KCNN2: variants seen among roughly 807,000 people sequenced by gnomAD.
KCNN2 encodes potassium calcium-activated channel subfamily N member 2, also known as small conductance calcium-activated potassium channel protein 2.
In KCNN2, 24 loss-of-function variants were observed where a neutral mutation model predicts 55.5. The observed-to-expected ratio is 0.43, with a 90% CI of 0.31 to 0.61. The LOEUF is 0.61. KCNN2 is among the 20% of genes least tolerant of loss of function. KCNN2 has a pLI of 0.08. For synonymous variants in KCNN2, 431 were observed against 336.1 expected, an observed-to-expected ratio of 1.28 and a Z score of -3.09; for missense variants, 754 against 853.6, an observed-to-expected ratio of 0.88 and a Z score of 1.45.
intron 5 of KCNN2, among the ~76,000 whole-genome samples, chr5:114,483,713 CTGTGTG>C (rs3070952): frequency 0.033 from 4,918 of 148,324 alleles, 222 homozygotes; most frequent in African/African-American, 0.12. Context: ...TATTTTTCAA[CTGTGTG>C]TGTGTGTGTG....
intron 3 of KCNN2, among the ~76,000 whole-genome samples, chr5:114,415,272 T>C (rs1425953920): frequency 1.3e-5 from 2 of 152,216 alleles, no homozygotes; most frequent in East Asian, 3.9e-4. Flanking sequence ...ATAGGGTTGC[T>C]TTGAACTTGT....
In KCNN2 at chr5:114,363,077, A is replaced by G. The variant is rs776706164; in HGVS notation, c.938A>G (p.His313Arg). The G allele has an allele frequency of 3.5e-5, 57 of 1,610,552 alleles. No individual in the cohort carries two copies. The African/African-American group carries it at 3.6e-4, about 10-fold the overall frequency. Reference protein sequence around the residue: ...GGGGGGGGSGHGSSSGTKSSK... With the variant: ...GGGGGGGGSGRGSSSGTKSSK... ...GGCGGCGGCGGTGGCGGGAGCGGGC[A>G]CGGCAGCAGCAGTGGCACCAAGTCC... Residue 313 changes from histidine (H) to arginine (R), a missense_variant, in exon 1 of 8, where the codon CAC becomes CGC. Transcript: ENST00000673685.
intron 2 of KCNN2, among the ~76,000 whole-genome samples, chr5:114,301,204 T>C (rs974928812): frequency 6.6e-6 from 1 of 152,190 alleles, no homozygotes; most frequent in East Asian, 1.9e-4. Context: ...GCAGATTTAC[T>C]GTTTATTAGC....
At chr5:114,105,905 C>A (rs1444810685) in intron 1 of KCNN2, among the ~76,000 whole-genome samples, 1 of 151,830 alleles carries the variant, frequency 6.6e-6, no homozygotes, top group Non-Finnish European at 1.5e-5. Context: ...TATACTTATT[C>A]TGAGATATTT....
intron 2 of KCNN2, among the ~76,000 whole-genome samples, chr5:114,397,060 C>G (rs1281756492): frequency 3.3e-5 from 5 of 152,168 alleles, no homozygotes; most frequent in African/African-American, 1.2e-4. Flanking sequence ...TGATCTCATT[C>G]TTTTTATGGC....
At chr5:114,266,584 A>G (rs1295493708) in intron 2 of KCNN2, among the ~76,000 whole-genome samples, 1 of 152,124 alleles carries the variant, frequency 6.6e-6, no homozygotes, top group Non-Finnish European at 1.5e-5. Context: ...CCCTGCTCCT[A>G]GCTACTACTT....
intron 3 of KCNN2, among the ~76,000 whole-genome samples, chr5:114,450,722 C>A (rs369510081): frequency 2.0e-5 from 3 of 152,174 alleles, no homozygotes; most frequent in Non-Finnish European, 2.9e-5. Context: ...AGGAGTAATA[C>A]CGCCCCCAGG....
At chr5:114,101,778 G>A (rs1751378485) in intron 1 of KCNN2, among the ~76,000 whole-genome samples, 1 of 152,018 alleles carries the variant, frequency 6.6e-6, no homozygotes, top group African/African-American at 2.4e-5. Flanking sequence ...CCTTTTTATG[G>A]CTGCGTAGTT....
rs181424042 is a variant in KCNN2 at position 114,295,043 on chromosome 5, C to T, written c.-184-65902C>T. Among the ~76,000 whole-genome samples, 229 of 152,230 alleles carry T rather than the reference C, an allele frequency of 1.5e-3. 3 individuals are homozygous for T. Among genetic ancestry groups the T allele is most frequent in the Admixed American group, 0.014 (214 of 15,288 alleles). On this transcript the variant is annotated intron_variant, in intron 2 of 10. Transcript: ENST00000512097. Reference sequence around the variant, plus strand: ...TTTGCTTGGTAGATCTTCCTCCATCCCTATGATTGTTCCTTTGGAAGTTTT... The same window carrying T: ...TTTGCTTGGTAGATCTTCCTCCATCTCTATGATTGTTCCTTTGGAAGTTTT...
intron 2 of KCNN2, among the ~76,000 whole-genome samples, chr5:114,364,503 C>T (rs979239087): frequency 6.6e-6 from 1 of 151,934 alleles, no homozygotes; most frequent in Non-Finnish European, 1.5e-5. Flanking sequence ...CTTCCTAAAT[C>T]CCCCACCATT....
intron 3 of KCNN2, among the ~76,000 whole-genome samples, chr5:114,410,552 A>G (rs967381601): frequency 5.3e-5 from 8 of 152,310 alleles, no homozygotes; most frequent in Admixed American, 2.0e-4. Context: ...TTTTGGAGAT[A>G]GAAAGAAATT....
At chr5:114,171,521 C>T (rs1753032433) in intron 1 of KCNN2, among the ~76,000 whole-genome samples, 4 of 151,870 alleles carry the variant, frequency 2.6e-5, no homozygotes, top group Admixed American at 2.6e-4. Flanking sequence ...TCTCCTGCTC[C>T]TTGGGAGCAG....
intron 2 of KCNN2, among the ~76,000 whole-genome samples, chr5:114,226,110 G>C (rs1242873030): frequency 1.7e-5 from 1 of 57,186 alleles, no homozygotes; most frequent in Non-Finnish European, 3.5e-5. Flanking sequence ...AGAAGAGAAA[G>C]CATTCCTGTT....
intron 1 of KCNN2, among the ~76,000 whole-genome samples, chr5:114,217,813 A>G (rs1172795699): frequency 1.3e-5 from 2 of 152,144 alleles, no homozygotes; most frequent in African/African-American, 2.4e-5. Context: ...GAAGAAAAAG[A>G]GAAGCCCAGA....
rs558946771 is a variant in KCNN2 at position 114,146,629 on chromosome 5, G to T, written c.-270-74851G>T. 9.2e-5 allele frequency among the ~76,000 whole-genome samples: 14 copies of T among 152,248 alleles called. 1 individual carries two copies. In the South Asian group the frequency reaches 2.9e-3, roughly 32 times the overall value. On this transcript the variant is annotated intron_variant, in intron 1 of 10. Transcript: ENST00000512097. ...ATGAGTAATATCAATTTGCCAAAGA[G>T]CATTAGGAGAAGGCCTCAGGGATTA...
At chr5:114,143,560 A>G (rs1752333387) in intron 1 of KCNN2, among the ~76,000 whole-genome samples, 1 of 152,188 alleles carries the variant, frequency 6.6e-6, no homozygotes, top group Non-Finnish European at 1.5e-5. Flanking sequence ...GTCCATTTAT[A>G]GGCTCTCCAC....
chr5:114,445,055 G>A (rs1346302544), intron 3 of KCNN2, among the ~76,000 whole-genome samples: 1 of 152,094 alleles, frequency 6.6e-6, no homozygotes, highest in African/African-American at 2.4e-5. Flanking sequence ...TCTGAATACA[G>A]TAGTAACATA....
intron 2 of KCNN2, among the ~76,000 whole-genome samples, chr5:114,236,320 A>C (rs1580646745): frequency 6.6e-6 from 1 of 152,108 alleles, no homozygotes; most frequent in Admixed American, 6.5e-5. Context: ...AAAGAAAATA[A>C]ATTTTTCCTT....
At chr5:114,181,883 G>A (rs145894083) in intron 1 of KCNN2, among the ~76,000 whole-genome samples, 18 of 152,136 alleles carry the variant, frequency 1.2e-4, no homozygotes, top group South Asian at 4.2e-4. Flanking sequence ...GCGTTGTGGC[G>A]CACGCCTGTA....
Sources: allele counts gnomAD v4.1 joint callset (sites outside exome capture counted in the v4.1 genomes callset), GRCh38; gene constraint gnomAD v4.1.1; transcripts MANE v1.5; gene names NCBI Gene and HGNC (gene_info 2026-07-23, HGNC 2026-07-21).